Variants in ERICH3 observed in about 807,000 individuals in gnomAD.
ERICH3 encodes the protein glutamate rich 3.
In ERICH3, 126 loss-of-function variants were observed where a neutral mutation model predicts 131.1. The observed-to-expected ratio is 0.96, with a 90% CI of 0.83 to 1.11. The LOEUF (loss-of-function observed/expected upper bound fraction) is 1.11, where lower values mean the gene tolerates loss of function less well. Among genes scored for constraint, ERICH3 ranks in the 50% most tolerant of loss-of-function variants. The pLI is 0.00. For synonymous variants in ERICH3, 695 were observed against 644.6 expected (o/e 1.08, Z -1.18); for missense variants, 2,050 against 1,810.7 (o/e 1.13, Z -2.40).
intron 12 of ERICH3, among the ~76,000 whole-genome samples, chr1:74,588,240 C>A (rs1168888935): frequency 6.6e-6 from 1 of 152,162 alleles, no homozygotes; most frequent in Non-Finnish European, 1.5e-5. Context: ...TGAAAACTTT[C>A]AAGGTGTCTT....
intron 11 of ERICH3, among the ~76,000 whole-genome samples, chr1:74,597,292 A>T (rs1305355728): frequency 6.6e-6 from 1 of 152,054 alleles, no homozygotes; most frequent in Non-Finnish European, 1.5e-5. Context: ...GGAATGGAAA[A>T]TAAGAAAGTC....
chr1:74,631,105 A>G (rs1646327192), intron 7 of ERICH3, among the ~76,000 whole-genome samples: 2 of 152,084 alleles, frequency 1.3e-5, no homozygotes, highest in Admixed American at 6.6e-5. Flanking sequence ...TTATTTGCCA[A>G]TCACAAAACT....
intron 10 of ERICH3, 79 bp from the exon 11 acceptor site, chr1:74,600,010 T>A: frequency 1.0e-6 from 1 of 1,003,296 alleles, no homozygotes; most frequent in Non-Finnish European, 1.5e-6. Context: ...ATGAGAACTT[T>A]GACTCCATTA....
chr1:74,670,647 G>T lies in ERICH3; in HGVS notation c.23+2850C>A, dbSNP rs528275832. 5.9e-5 allele frequency among the ~76,000 whole-genome samples: 9 copies of T among 152,202 alleles called. No homozygotes were observed. In the South Asian group the frequency reaches 1.5e-3, roughly 25 times the overall value. On this transcript the variant is annotated intron_variant, in intron 1 of 14. Transcript: ENST00000326665. Reference sequence around the variant, plus strand: ...ACGTCAGGACCACTGTGATAATTTTGTTAACTATACAAATTGATGTAAAAC... The same window carrying T: ...ACGTCAGGACCACTGTGATAATTTTTTTAACTATACAAATTGATGTAAAAC...
intron 12 of ERICH3, chr1:74,586,360 A>C: frequency 1.1e-6 from 1 of 928,196 alleles, no homozygotes; most frequent in South Asian, 5.0e-5. Context: ...ATATATATTA[A>C]TATATCTATA....
At chr1:74,605,137 G>A (rs74521484) in intron 10 of ERICH3, among the ~76,000 whole-genome samples, 3,779 of 151,968 alleles carry the variant, frequency 0.025, 179 homozygotes, top group African/African-American at 0.087. Context: ...TCATGCTATG[G>A]AAATGACTTC....
chr1:74,614,367 T>C (rs1287606648), intron 8 of ERICH3, among the ~76,000 whole-genome samples: 5 of 114,950 alleles, frequency 4.3e-5, no homozygotes, highest in Non-Finnish European at 9.0e-5. Flanking sequence ...ATTTTTTCCC[T>C]AAAAAAAAAA....
At position 74,589,591 on chromosome 1, in the gene ERICH3, C is replaced by A. The variant is rs570011589; in HGVS notation, c.2176+40G>T. 5.1e-6 allele frequency: 8 copies of A among 1,574,430 alleles called. No individual in the cohort carries two copies. In the South Asian group the frequency reaches 6.8e-5, roughly 13 times the overall value. ...GCAATGACCAAAATCAGCTTCCATG[C>A]ATGAGGATGATGGCAGCTCAACTCA... is the stretch of plus-strand genomic sequence containing the variant. On this transcript the variant is annotated intron_variant, in intron 12 of 14. Transcript: ENST00000326665.
chr1:74,571,117 C>T lies in ERICH3; in HGVS notation c.4593G>A (p.Ter1531=), dbSNP rs1467231034. Residue 1531 remains the stop codon, a stop_retained_variant, in exon 14 of 15, where the codon TAG becomes TAA. Transcript: ENST00000326665. ...AACTCACTGTCTGCCAGCAAGTCTC[C>T]TAGACCTGCACGTTGTTGGGGGAAA... ...ADVSPNNVQV[*] 3.7e-6 allele frequency: 6 copies of T among 1,612,432 alleles called. No homozygotes were observed. In the African/African-American group the frequency reaches 4.0e-5, roughly 11 times the overall value.
intron 11 of ERICH3, among the ~76,000 whole-genome samples, chr1:74,595,267 C>T (rs1647794407): frequency 6.6e-6 from 1 of 152,006 alleles, no homozygotes; most frequent in African/African-American, 2.4e-5. Flanking sequence ...TAGACAAGTG[C>T]TTTATACTCA....
At chr1:74,618,977 T>A (rs1187598366) in intron 8 of ERICH3, among the ~76,000 whole-genome samples, 4 of 152,204 alleles carry the variant, frequency 2.6e-5, no homozygotes, top group Non-Finnish European at 4.4e-5. Flanking sequence ...GCTAAATTGC[T>A]AAGATTGCTG....
rs1486172088 is a variant in ERICH3 at position 74,673,693 on chromosome 1, G to T, written c.-174C>A. 3 of 502,598 alleles carry T rather than the reference G, an allele frequency of 6.0e-6. No homozygotes were observed. The highest frequency in any genetic ancestry group is 1.0e-5 in the Non-Finnish European group (3 of 300,874). The allele number at this position is 502,598 out of a possible 1,614,324, so 31.1% of individuals were successfully genotyped here. A position where few individuals can be genotyped will look rare whatever the true frequency, so the allele number is the denominator to read the frequency against. On this transcript the variant is annotated 5_prime_UTR_variant, in exon 1 of 15. In the 5' UTR this introduces an upstream ATG that the reference lacks. Coordinates refer to ENST00000326665, the MANE Select transcript of ERICH3 (RefSeq NM_001002912.5). ...CCCCTGGGCGCCCGGGCTACCCGCA[G>T]CCTCCCGGGCTCCCACCCTCCGTTG...
chr1:74,589,640 C>T lies in ERICH3; in HGVS notation c.2167G>A (p.Glu723Lys). The change falls in exon 12 of 15, where the codon GAG becomes AAG. Residue 723 changes from glutamate (E) to lysine (K), a missense_variant. By Grantham distance (56) the Glu-to-Lys change is moderately conservative. Transcript: ENST00000326665. The part of the protein sequence containing the change: ...KDKKAGLPGL[E>K]EGGKDSLPLA... ...CAACGGCCATACTTACCACCTTCCT[C>T]CAACCCAGGGAGACCTGCCTTTTTG... is the stretch of plus-strand genomic sequence containing the variant. 1 of 1,613,584 alleles carries T rather than the reference C, an allele frequency of 6.2e-7. No individual in the cohort carries two copies. The highest frequency in any genetic ancestry group is 1.1e-5 in the South Asian group (1 of 90,998).
intron 10 of ERICH3, among the ~76,000 whole-genome samples, chr1:74,602,715 A>G (rs1350702312): frequency 6.6e-6 from 1 of 151,868 alleles, no homozygotes; most frequent in African/African-American, 2.4e-5. Flanking sequence ...CATGAGTATA[A>G]AGTACATCAC....
At chr1:74,648,722 G>T (rs888427506) in intron 2 of ERICH3, among the ~76,000 whole-genome samples, 2 of 152,020 alleles carry the variant, frequency 1.3e-5, no homozygotes, top group Non-Finnish European at 2.9e-5. Context: ...GAAATTTTGT[G>T]GAAAGAACAG....
At chr1:74,578,032 C>T (rs1314343561) in intron 12 of ERICH3, 1 of 152,226 alleles carries the variant, frequency 6.6e-6, no homozygotes, top group African/African-American at 2.4e-5. Context: ...TTCCTGAATT[C>T]CTGTTATCTG....
At chr1:74,646,208 CA>C (rs1394125896) in intron 3 of ERICH3, among the ~76,000 whole-genome samples, 2 of 152,044 alleles carry the variant, frequency 1.3e-5, no homozygotes, top group East Asian at 3.9e-4. Flanking sequence ...GGCTGAGCTT[CA>C]GAGCCTTAAA....
At position 74,570,445 on chromosome 1, in the gene ERICH3, A is replaced by T. The variant is rs892506969; in HGVS notation, c.*19-6T>A. The T allele has an allele frequency of 7.9e-5, 12 of 152,344 alleles. No individual in the cohort carries two copies. The highest frequency in any genetic ancestry group is 6.5e-4 in the Admixed American group (10 of 15,310). The allele number at this position is 152,344 out of a possible 1,614,324, so 9.4% of individuals were successfully genotyped here. On this transcript the variant is annotated splice_polypyrimidine_tract_variant and splice_region_variant and intron_variant, in intron 14 of 14. Coordinates refer to ENST00000326665, the MANE Select transcript of ERICH3 (RefSeq NM_001002912.5). ...GAAGACATCTTTAAATTATCCTGAA[A>T]AACAATAAAAAGGATAGTAGTACCA...
Position 74,572,871 on chromosome 1 carries a change from C to T in ERICH3, c.2839G>A (p.Glu947Lys). The change falls in exon 14 of 15, where the codon GAG (glutamate) becomes AAG (lysine). Residue 947 changes from glutamate (E) to lysine (K), a missense_variant. Transcript: ENST00000326665. ...VAVSDVGESE[E>K]EASIDLEDTG... Reference sequence around the variant, plus strand: ...TCCTCTAGGTCTATGGATGCTTCCTCTTCACTTTCTCCGACATCACTCACA... The same window carrying T: ...TCCTCTAGGTCTATGGATGCTTCCTTTTCACTTTCTCCGACATCACTCACA... 1 of 1,613,974 alleles carries T rather than the reference C, an allele frequency of 6.2e-7. No homozygotes were observed. The highest frequency in any genetic ancestry group is 8.5e-7 in the Non-Finnish European group (1 of 1,180,032).
Sources: gnomAD v4.1 joint callset for allele counts (sites outside exome capture counted in the v4.1 genomes callset) on GRCh38, gnomAD v4.1.1 for gene constraint, MANE v1.5 for transcripts, NCBI Gene and HGNC (gene_info 2026-07-23, HGNC 2026-07-21) for gene names.